Variants in PTPRD observed in about 807,000 individuals in gnomAD.
The protein encoded by PTPRD is receptor-type tyrosine-protein phosphatase delta.
In PTPRD, 34 loss-of-function variants were observed where a neutral mutation model predicts 214.5. That is an observed-to-expected ratio of 0.16 (90% confidence interval 0.12 to 0.21). PTPRD has a LOEUF of 0.21. PTPRD is among the 10% of genes least tolerant of loss of function. The pLI, the probability that PTPRD is intolerant of heterozygous loss-of-function variation, is 1.00. For synonymous variants in PTPRD, 1,128 were observed against 845.7 expected (o/e 1.33, Z -5.79); for missense variants, 2,545 against 2,398.7 (o/e 1.06, Z -1.27).
At chr9:10,316,625 T>C (rs1281538006) in intron 3 of PTPRD, among the ~76,000 whole-genome samples, 2 of 152,010 alleles carry the variant, frequency 1.3e-5, no homozygotes, top group Non-Finnish European at 2.9e-5. Flanking sequence ...AGCTTTATAG[T>C]GAATCAACAC....
At chr9:9,871,196 A>G (rs71497158) in intron 5 of PTPRD, among the ~76,000 whole-genome samples, 1 of 152,208 alleles carries the variant, frequency 6.6e-6, no homozygotes, top group Non-Finnish European at 1.5e-5. Context: ...TTAAGAAATT[A>G]CAATATAAAA....
At chr9:10,235,823 C>G (rs1050423487) in intron 3 of PTPRD, among the ~76,000 whole-genome samples, 2 of 151,916 alleles carry the variant, frequency 1.3e-5, no homozygotes, top group African/African-American at 4.8e-5. Flanking sequence ...ACAATAGGAC[C>G]ACTTAAAACA....
intron 33 of PTPRD, among the ~76,000 whole-genome samples, chr9:8,459,886 T>A (rs1284137498): frequency 6.6e-6 from 1 of 152,136 alleles, no homozygotes; most frequent in African/African-American, 2.4e-5. Context: ...TCATTCTCCA[T>A]CCTTCTCTTT....
intron 9 of PTPRD, among the ~76,000 whole-genome samples, chr9:9,321,762 G>T (rs1595750415): frequency 6.6e-6 from 1 of 152,130 alleles, no homozygotes; most frequent in East Asian, 1.9e-4. Context: ...TACATTTGTA[G>T]AATGGGAGTT....
In PTPRD at chr9:8,430,259, AT is replaced by A. The variant is rs1424923797; in HGVS notation, c.4086+6332del. On this transcript the variant is annotated intron_variant, in intron 35 of 45. Coordinates refer to ENST00000381196, the MANE Select transcript of PTPRD (RefSeq NM_002839.4). ...ATAGTGACCACTGGGATGCCCATTA[AT>A]TTTTTTTATTTTTTTTTTACTTTTT... Among the ~76,000 whole-genome samples, 4 of 150,498 alleles carry A rather than the reference AT, an allele frequency of 2.7e-5. No homozygotes were observed. In the East Asian group the frequency reaches 6.0e-4, roughly 23 times the overall value.
intron 8 of PTPRD, among the ~76,000 whole-genome samples, chr9:9,519,879 G>A (rs149458706): frequency 1.8e-3 from 281 of 152,110 alleles, no homozygotes; most frequent in East Asian, 0.011. Flanking sequence ...AAACAGAAAG[G>A]GCTGGAAAAG....
rs376975728 is a variant in PTPRD at position 9,716,151 on chromosome 9, A to G, written c.-287+18382T>C. 6.6e-5 allele frequency among the ~76,000 whole-genome samples: 10 copies of G among 152,114 alleles called. No individual in the cohort carries two copies. In the East Asian group the frequency reaches 1.9e-3, roughly 29 times the overall value. ...AGTTTACTGAGAATGATTATTTCCA[A>G]TTTCCTCCAAGTCCCTACAAAGGAC... On this transcript the variant is annotated intron_variant, in intron 7 of 45. Transcript: ENST00000381196.
chr9:10,536,545 G>T lies in PTPRD; in HGVS notation c.-600+75853C>A, dbSNP rs534757464. On this transcript the variant is annotated intron_variant, in intron 2 of 45. Coordinates refer to ENST00000381196, the MANE Select transcript of PTPRD (RefSeq NM_002839.4). ...ATCCTATTAGGAATTGGATCTGTTT[G>T]CCTAACTACCATCCATTACAAGTAG... Among the ~76,000 whole-genome samples, 19 of 152,164 alleles carry T rather than the reference G, an allele frequency of 1.2e-4. No individual in the cohort carries two copies. In the South Asian group the frequency reaches 3.7e-3, roughly 30 times the overall value.
intron 35 of PTPRD, among the ~76,000 whole-genome samples, chr9:8,413,068 C>T (rs992249489): frequency 9.2e-5 from 14 of 152,066 alleles, no homozygotes; most frequent in African/African-American, 2.9e-4. Flanking sequence ...TTTTAAAAGT[C>T]GGATTAGTTG....
At chr9:9,995,228 T>C (rs2096078323) in intron 4 of PTPRD, among the ~76,000 whole-genome samples, 3 of 152,304 alleles carry the variant, frequency 2.0e-5, no homozygotes, top group African/African-American at 7.2e-5. Flanking sequence ...TTTGGCAGCA[T>C]ACTTCACTTT....
At chr9:10,508,329 C>T (rs370513479) in intron 2 of PTPRD, among the ~76,000 whole-genome samples, 17 of 152,092 alleles carry the variant, frequency 1.1e-4, no homozygotes, top group African/African-American at 1.7e-4. Context: ...GAAATAGGAA[C>T]ACTTTTACAC....
intron 3 of PTPRD, among the ~76,000 whole-genome samples, chr9:10,136,754 T>G (rs2098947312): frequency 1.3e-5 from 1 of 74,646 alleles, no homozygotes; most frequent in Non-Finnish European, 2.5e-5. Context: ...ACCATCAGAG[T>G]GAACAGGCAA....
At position 8,886,423 on chromosome 9, in the gene PTPRD, C is replaced by T. The variant is rs940198281; in HGVS notation, c.-104+132274G>A. Among the ~76,000 whole-genome samples, 4 of 151,998 alleles carry T rather than the reference C, an allele frequency of 2.6e-5. No homozygotes were observed. In the East Asian group the frequency reaches 7.7e-4, roughly 29 times the overall value. ...TTTATAGCATATGGTTATTATGTTC[C>T]AGGACATAGATTTTGACCCAGATAG... On this transcript the variant is annotated intron_variant, in intron 11 of 45. Transcript: ENST00000381196.
intron 7 of PTPRD, among the ~76,000 whole-genome samples, chr9:9,709,849 T>A (rs190274714): frequency 1.3e-5 from 2 of 152,240 alleles, no homozygotes; most frequent in East Asian, 3.9e-4. Context: ...TTTCTCTATG[T>A]ATACGTATGT....
chr9:8,343,803 A>C (rs1490503802), intron 39 of PTPRD, among the ~76,000 whole-genome samples: 1 of 152,098 alleles, frequency 6.6e-6, no homozygotes, highest in Non-Finnish European at 1.5e-5. Context: ...TGTTTGTGAA[A>C]TAAGTAAACA....
intron 12 of PTPRD, chr9:8,713,788 C>G: frequency 6.5e-7 from 1 of 1,536,078 alleles, no homozygotes; most frequent in Non-Finnish European, 8.8e-7. Context: ...CCGGGTCCTG[C>G]GCCTTCAGCA....
At chr9:9,118,576 G>C (rs2099814526) in intron 10 of PTPRD, among the ~76,000 whole-genome samples, 1 of 152,098 alleles carries the variant, frequency 6.6e-6, no homozygotes, top group Admixed American at 6.6e-5. Flanking sequence ...GAATCTTCCA[G>C]CATTACTCAT....
At chr9:10,075,523 T>C (rs1043925592) in intron 3 of PTPRD, among the ~76,000 whole-genome samples, 2 of 151,990 alleles carry the variant, frequency 1.3e-5, no homozygotes, top group African/African-American at 4.8e-5. Context: ...TATTAATCCA[T>C]CATGTATTTA....
Position 9,227,425 on chromosome 9 carries a change from G to T in PTPRD, c.-202-44062C>A, listed in dbSNP as rs148668599. 2.0e-3 allele frequency among the ~76,000 whole-genome samples: 304 copies of T among 152,112 alleles called. 2 individuals carry two copies. Among genetic ancestry groups the T allele is most frequent in the African/African-American group, 6.7e-3 (280 of 41,514 alleles). On this transcript the variant is annotated intron_variant, in intron 9 of 45. Transcript: ENST00000381196. ...GGTCTGAAATCCCATCAGCTATCTG[G>T]CCCTGGCTTCCTCCTACTGTTTTGG...
Sources: allele counts gnomAD v4.1 joint callset (sites outside exome capture counted in the v4.1 genomes callset), GRCh38; gene constraint gnomAD v4.1.1; transcripts MANE v1.5; gene names NCBI Gene and HGNC (gene_info 2026-07-23, HGNC 2026-07-21).